PRELID2: variants seen among roughly 807,000 people sequenced by gnomAD.
The protein encoded by PRELID2 is PRELI domain-containing protein 2.
PRELID2 carries 25 observed loss-of-function variants against 28.4 expected under a neutral mutation model. The observed-to-expected ratio is 0.88, with a 90% CI of 0.64 to 1.23. The LOEUF (loss-of-function observed/expected upper bound fraction) is 1.23. Ranked by LOEUF, PRELID2 falls within the 50% of genes most tolerant of loss-of-function variation. The probability of loss-of-function intolerance (pLI) is 0.00; values close to 1 mark genes in which losing one functional copy is unlikely to be tolerated. For missense variants in PRELID2, 201 were observed against 214.4 expected (o/e 0.94, Z 0.39); for synonymous variants, 76 against 71.6 (o/e 1.06, Z -0.31).
At chr5:145,235,453 C>A in the PRELID2 span, among the ~76,000 whole-genome samples, 3 of 152,156 alleles carry the variant, frequency 2.0e-5, no homozygotes, top group Non-Finnish European at 4.4e-5. Context: ...AAGTCAGCTA[C>A]TGCCCTGGCT....
At chr5:145,517,153 A>G (rs2126645970) in intron 1 of PRELID2, among the ~76,000 whole-genome samples, 1 of 152,310 alleles carries the variant, frequency 6.6e-6, no homozygotes, top group Middle Eastern at 3.4e-3. Flanking sequence ...TAATTAAACT[A>G]AAGAGCTTCT....
intron 1 of PRELID2, among the ~76,000 whole-genome samples, chr5:145,724,647 A>ATATATATATATATATATATAT (rs67887334): frequency 8.2e-6 from 1 of 121,804 alleles, no homozygotes; most frequent in Non-Finnish European, 1.8e-5. Context: ...ATATATATAT[A>ATATATATATATATATATATAT]ATGCCTGTAA....
intron 1 of PRELID2, among the ~76,000 whole-genome samples, chr5:145,477,539 GCCTAAGA>G (rs1752114128): frequency 6.6e-6 from 1 of 152,096 alleles, no homozygotes; most frequent in South Asian, 2.1e-4. Flanking sequence ...GCATGCATAG[GCCTAAGA>G]CACACCTCTC....
chr5:145,612,481 G>T (rs928639146), intron 1 of PRELID2, among the ~76,000 whole-genome samples: 1 of 152,018 alleles, frequency 6.6e-6, no homozygotes, highest in African/African-American at 2.4e-5. Context: ...TTTTCCATAG[G>T]TTATTGGGGT....
chr5:145,612,363 A>T (rs1160413463), intron 1 of PRELID2, among the ~76,000 whole-genome samples: 1 of 152,232 alleles, frequency 6.6e-6, no homozygotes, highest in African/African-American at 2.4e-5. Flanking sequence ...GAATAGGAGA[A>T]AACATTGGCA....
intron 1 of PRELID2, among the ~76,000 whole-genome samples, chr5:145,475,591 G>A (rs450337): frequency 0.64 from 96,727 of 151,994 alleles, 31,425 homozygotes; most frequent in Non-Finnish European, 0.69. Context: ...AAAACTCACA[G>A]CACAGGCTAA....
In PRELID2 at chr5:145,695,026, G is replaced by A. The variant is rs527763085; in HGVS notation, n.70+69905C>T. ...TGTCAGGTCCTCGGCTGGTTACTAC[G>A]GATTCAGTAGTGTCCCAAAAAGTCA... On this transcript the variant is annotated intron_variant and non_coding_transcript_variant, in intron 1 of 2. Coordinates refer to the PRELID2 transcript ENST00000510259. 1.7e-3 allele frequency among the ~76,000 whole-genome samples: 265 copies of A among 152,246 alleles called. 2 individuals carry two copies. Among genetic ancestry groups the A allele is most frequent in the Middle Eastern group, 3.4e-3 (1 of 294 alleles).
intron 1 of PRELID2, among the ~76,000 whole-genome samples, chr5:145,521,842 T>C (rs12186991): frequency 0.22 from 32,913 of 152,078 alleles, 4,071 homozygotes; most frequent in South Asian, 0.38. Context: ...TGGTTGGTGA[T>C]AAACACAGTC....
At chr5:145,672,007 T>C (rs1398979508) in intron 1 of PRELID2, among the ~76,000 whole-genome samples, 1 of 152,180 alleles carries the variant, frequency 6.6e-6, no homozygotes, top group Non-Finnish European at 1.5e-5. Context: ...TCAAACGCCT[T>C]GAATGGAATA....
At chr5:145,649,685 C>T (rs1754256305) in intron 1 of PRELID2, among the ~76,000 whole-genome samples, 1 of 152,172 alleles carries the variant, frequency 6.6e-6, no homozygotes, top group Non-Finnish European at 1.5e-5. Flanking sequence ...GCTGTTTAAA[C>T]TGTCCATTTA....
chr5:145,575,142 T>C (rs1322431519), intron 1 of PRELID2, among the ~76,000 whole-genome samples: 1 of 152,188 alleles, frequency 6.6e-6, no homozygotes, highest in East Asian at 1.9e-4. Context: ...TCATTAGGCC[T>C]GGCTCAGGGC....
intron 1 of PRELID2, among the ~76,000 whole-genome samples, chr5:145,590,328 G>A (rs1348463829): frequency 6.6e-6 from 1 of 152,134 alleles, no homozygotes; most frequent in Non-Finnish European, 1.5e-5. Context: ...AGATACTCAA[G>A]TGTTCTCTGT....
intron 1 of PRELID2, among the ~76,000 whole-genome samples, chr5:145,499,455 TG>T (rs1752339054): frequency 6.6e-6 from 1 of 152,134 alleles, no homozygotes; most frequent in African/African-American, 2.4e-5. Context: ...GCAGTAAAAA[TG>T]GGCAAATACT....
At chr5:145,391,678 T>C in the PRELID2 span, among the ~76,000 whole-genome samples, 1 of 151,792 alleles carries the variant, frequency 6.6e-6, no homozygotes, top group Non-Finnish European at 1.5e-5. Flanking sequence ...CCCTAGAAAA[T>C]GTTTTGTTTT....
chr5:145,640,331 C>A (rs1754079455), intron 1 of PRELID2, among the ~76,000 whole-genome samples: 1 of 152,004 alleles, frequency 6.6e-6, no homozygotes, highest in South Asian at 2.1e-4. Context: ...AAAAAATTAG[C>A]CGGGCGTGGT....
At chr5:145,786,226 G>T (rs1751985330) in intron 5 of PRELID2, among the ~76,000 whole-genome samples, 1 of 152,212 alleles carries the variant, frequency 6.6e-6, no homozygotes, top group African/African-American at 2.4e-5. Context: ...GATAAGGTCA[G>T]TGTGGCAGGC....
At chr5:145,338,621 T>C in the PRELID2 span, among the ~76,000 whole-genome samples, 1 of 152,234 alleles carries the variant, frequency 6.6e-6, no homozygotes, top group Non-Finnish European at 1.5e-5. Flanking sequence ...AGATATATAT[T>C]TTTAAAGATC....
intron 1 of PRELID2, among the ~76,000 whole-genome samples, chr5:145,708,455 A>C (rs1755605225): frequency 1.3e-5 from 2 of 151,744 alleles, no homozygotes. Flanking sequence ...CTCTAATGTA[A>C]TTTTATTACA....
At chr5:145,393,364 G>A in the PRELID2 span, among the ~76,000 whole-genome samples, 7 of 152,130 alleles carry the variant, frequency 4.6e-5, no homozygotes. Context: ...CTCGGTGTGG[G>A]AACTGAGTAG....
Sources: gnomAD v4.1 joint callset for allele counts (sites outside exome capture counted in the v4.1 genomes callset) on GRCh38, gnomAD v4.1.1 for gene constraint, MANE v1.5 for transcripts, NCBI Gene and HGNC (gene_info 2026-07-23, HGNC 2026-07-21) for gene names.